The following MTCH2 variants were observed in gnomAD, a reference collection of about 807,000 sequenced individuals.
MTCH2 encodes mitochondrial carrier homolog 2.
A neutral mutation model predicts 50.6 loss-of-function variants in MTCH2; 25 were observed. The observed-to-expected ratio is 0.49, with a 90% CI of 0.36 to 0.69. The LOEUF is 0.69. Among genes scored for constraint, MTCH2 ranks in the 30% least tolerant of loss-of-function variants. The probability of loss-of-function intolerance (pLI) is 0.00; values close to 1 mark genes in which losing one functional copy is unlikely to be tolerated. For missense variants in MTCH2, 273 were observed against 384.4 expected, an observed-to-expected ratio of 0.71 and a Z score of 2.42; for synonymous variants, 106 against 132.0, an observed-to-expected ratio of 0.80 and a Z score of 1.35.
At chr11:47,629,156 G>T in intron 8 of MTCH2, 110 bp from the exon 9 acceptor site, 1 of 946,774 alleles carries the variant, frequency 1.1e-6, no homozygotes, top group East Asian at 2.7e-5. Context: ...ACATTCTAGG[G>T]AAGTAAAAAA....
intron 1 of MTCH2, among the ~76,000 whole-genome samples, chr11:47,639,694 C>T (rs572052825): frequency 1.3e-5 from 2 of 151,894 alleles, no homozygotes; most frequent in Non-Finnish European, 2.9e-5. Flanking sequence ...AAAAATTAGC[C>T]GGGCGTAGGG....
intron 3 of MTCH2, 118 bp from the exon 4 acceptor site, chr11:47,635,689 G>A: frequency 2.8e-6 from 2 of 706,242 alleles, no homozygotes; most frequent in South Asian, 2.3e-5. Flanking sequence ...TAAAGTTTTT[G>A]TTTTTTTTTT....
At chr11:47,611,324 T>C in the MTCH2 span, among the ~76,000 whole-genome samples, 5 of 152,328 alleles carry the variant, frequency 3.3e-5, no homozygotes, top group African/African-American at 1.2e-4. Flanking sequence ...CATGGTTCTG[T>C]TGTTTCCATC....
At chr11:47,638,310 C>T (rs1325985366) in intron 3 of MTCH2, among the ~76,000 whole-genome samples, 1 of 145,706 alleles carries the variant, frequency 6.9e-6, no homozygotes, top group Non-Finnish European at 1.5e-5. Context: ...GCTTGTAATC[C>T]CAGCACTTTG....
chr11:47,615,332 C>T (rs2097287775), downstream of MTCH2, among the ~76,000 whole-genome samples: 1 of 152,154 alleles, frequency 6.6e-6, no homozygotes, highest in Non-Finnish European at 1.5e-5. Flanking sequence ...AGAAGTAATG[C>T]TCCTGCTGTA....
chr11:47,609,183 G>A, the MTCH2 span, among the ~76,000 whole-genome samples: 1 of 150,226 alleles, frequency 6.7e-6, no homozygotes, highest in South Asian at 2.1e-4. Flanking sequence ...GCCCGGGCGC[G>A]GTGGCTCACG....
chr11:47,628,833 C>T, intron 9 of MTCH2, 120 bp downstream of exon 9: 1 of 803,270 alleles, frequency 1.2e-6, no homozygotes, highest in Non-Finnish European at 2.0e-6. Flanking sequence ...CCACATTGGC[C>T]TCCCAAAGTG....
intron 1 of MTCH2, among the ~76,000 whole-genome samples, chr11:47,642,134 G>T (rs1296523502): frequency 3.9e-5 from 6 of 152,190 alleles, no homozygotes; most frequent in Non-Finnish European, 8.8e-5. Context: ...GGCAGGGCCG[G>T]GTGGCGGTTG....
intron 12 of MTCH2, among the ~76,000 whole-genome samples, chr11:47,620,496 C>CAA (rs141524499): frequency 6.6e-6 from 1 of 151,094 alleles, no homozygotes; most frequent in Admixed American, 6.6e-5. Context: ...CAAAACAAAA[C>CAA]AAAAAAATTA....
rs1407317179 is a variant in MTCH2, at chr11:47,634,664, T to C, written c.369+8A>G. ...GGCAAACAGCACAGGATGTAATTCA[T>C]CTCTTACCTCCTTGATAACGTGGTC... On this transcript the variant is annotated splice_region_variant and intron_variant, in intron 5 of 12. Transcript: ENST00000302503. The C allele has an allele frequency of 1.9e-6, 3 of 1,605,438 alleles. No homozygotes were observed. The highest frequency in any genetic ancestry group is 4.5e-5 in the East Asian group (2 of 44,754).
At chr11:47,624,627 CCT>C (rs1265393652) in intron 11 of MTCH2, among the ~76,000 whole-genome samples, 1 of 151,854 alleles carries the variant, frequency 6.6e-6, no homozygotes, top group Admixed American at 6.6e-5. Flanking sequence ...AAAGTGAGAC[CCT>C]GTGTCTTCAC....
chr11:47,622,866 C>T (rs2097294574), intron 11 of MTCH2, 90 bp from the exon 12 acceptor site: 2 of 834,414 alleles, frequency 2.4e-6, no homozygotes, highest in South Asian at 1.8e-5. Flanking sequence ...TTCTGCTGCA[C>T]AGAAGATTCC....
chr11:47,609,626 C>CAAAAAAAAAA, the MTCH2 span, among the ~76,000 whole-genome samples: 6 of 88,156 alleles, frequency 6.8e-5, no homozygotes, highest in African/African-American at 1.4e-4. Context: ...GACTCTGTCT[C>CAAAAAAAAAA]AAAAAAAAAA....
intron 5 of MTCH2, among the ~76,000 whole-genome samples, chr11:47,632,605 G>A (rs923116599): frequency 6.6e-6 from 1 of 152,020 alleles, no homozygotes; most frequent in African/African-American, 2.4e-5. Context: ...TGATCCGCCC[G>A]CCTCGGCCTC....
Position 47,635,447 on chromosome 11 carries a change from G to C in MTCH2, c.306+98C>G, listed in dbSNP as rs908476937. 3 of 1,335,756 alleles carry C rather than the reference G, an allele frequency of 2.2e-6. No individual in the cohort carries two copies. In the African/African-American group the frequency reaches 4.4e-5, roughly 19 times the overall value. The allele number at this position is 1,335,756 out of a possible 1,614,324, so 82.7% of individuals were successfully genotyped here. On this transcript the variant is annotated intron_variant, in intron 4 of 12. Transcript: ENST00000302503. ...AGGACAACACTCACTGAGATGAATA[G>C]GAGACTGACTACTTGGCTTTTCTCC...
At chr11:47,635,501 T>C in intron 4 of MTCH2, 44 bp downstream of exon 4, 3 of 1,604,204 alleles carry the variant, frequency 1.9e-6, no homozygotes, top group Non-Finnish European at 2.6e-6. Flanking sequence ...AGTAACAACT[T>C]GCAAGGGAAA....
chr11:47,611,984 G>C, the MTCH2 span, among the ~76,000 whole-genome samples: 1 of 152,110 alleles, frequency 6.6e-6, no homozygotes. Flanking sequence ...GCACTGGAAG[G>C]GGTCTCCCTA....
the MTCH2 span, among the ~76,000 whole-genome samples, chr11:47,608,046 T>TATC: frequency 1.3e-5 from 2 of 152,194 alleles, no homozygotes; most frequent in African/African-American, 4.8e-5. Context: ...TGCAGACCCA[T>TATC]ATCAGAATCT....
intron 3 of MTCH2, among the ~76,000 whole-genome samples, chr11:47,637,628 A>G (rs1003884437): frequency 2.6e-5 from 4 of 152,170 alleles, no homozygotes; most frequent in Admixed American, 6.6e-5. Context: ...AAAATTATCA[A>G]TTGAGAGCTC....
Sources: gnomAD v4.1 joint callset for allele counts (sites outside exome capture counted in the v4.1 genomes callset) on GRCh38, gnomAD v4.1.1 for gene constraint, MANE v1.5 for transcripts, NCBI Gene and HGNC (gene_info 2026-07-23, HGNC 2026-07-21) for gene names.